The following PCDH20 variants were observed in gnomAD, a reference collection of about 807,000 sequenced individuals.
The protein encoded by PCDH20 is protocadherin-20.
Under a neutral mutation model 39.7 loss-of-function variants are expected in PCDH20, and 18 were observed. The observed-to-expected ratio is 0.45, with a 90% CI of 0.31 to 0.67. The LOEUF is 0.67. PCDH20 is among the 30% of genes least tolerant of loss of function. PCDH20 has a pLI of 0.05. For missense variants in PCDH20, 1,161 were observed against 1,167.4 expected, an observed-to-expected ratio of 0.99 and a Z score of 0.08; for synonymous variants, 495 against 455.4, an observed-to-expected ratio of 1.09 and a Z score of -1.11.
At chr13:61,413,322 G>T in exon 2 of PCDH20, 1 of 1,613,950 alleles carries the variant, frequency 6.2e-7, no homozygotes, top group African/African-American at 1.3e-5. Context: ...TCTCCTCCAC[G>T]TCCAGGGTGA....
chr13:61,411,664 T>C (rs1878249239), exon 2 of PCDH20: 1 of 1,614,212 alleles, frequency 6.2e-7, no homozygotes, highest in Middle Eastern at 1.6e-4. Flanking sequence ...ATAATCTGTC[T>C]GCAGCAATGC....
intron 1 of PCDH20, among the ~76,000 whole-genome samples, chr13:61,414,445 C>T (rs1331575983): frequency 6.6e-6 from 1 of 152,128 alleles, no homozygotes; most frequent in African/African-American, 2.4e-5. Flanking sequence ...CAGTGTGTTA[C>T]ATCCCTTACT....
At chr13:61,413,829 C>A in exon 2 of PCDH20, 7 of 1,612,968 alleles carry the variant, frequency 4.3e-6, no homozygotes, top group Non-Finnish European at 5.9e-6. Context: ...TGGGCAGCAG[C>A]CGCAGGTCCT....
chr13:61,412,539 G>A, exon 2 of PCDH20: 3 of 1,614,068 alleles, frequency 1.9e-6, no homozygotes, highest in Non-Finnish European at 2.5e-6. Context: ...GCACTTTAAT[G>A]ACCCTTTTGA....
chr13:61,413,268 A>G, exon 2 of PCDH20: 2 of 1,614,106 alleles, frequency 1.2e-6, no homozygotes, highest in Non-Finnish European at 1.7e-6. Flanking sequence ...CCCTGTCCAA[A>G]GCACCCATGA....
At chr13:61,412,208 C>T in exon 2 of PCDH20, 1 of 1,614,116 alleles carries the variant, frequency 6.2e-7, no homozygotes, top group Non-Finnish European at 8.5e-7. Context: ...TCATTTTTAT[C>T]CAACACTGTG....
chr13:61,414,538 A>G (rs1394872472), intron 1 of PCDH20, among the ~76,000 whole-genome samples: 1 of 152,142 alleles, frequency 6.6e-6, no homozygotes, highest in African/African-American at 2.4e-5. Context: ...CACCTCCAAC[A>G]CTTTAGGTCT....
chr13:61,415,150 G>GCCGC lies in PCDH20; in HGVS notation c.5_8dup (p.Gly5ProfsTer109). The GCCGC allele has an allele frequency of 6.9e-7, 1 of 1,452,010 alleles. No individual in the cohort carries two copies. Among genetic ancestry groups the GCCGC allele is most frequent in the Non-Finnish European group, 9.2e-7 (1 of 1,090,888 alleles). The allele number at this position is 1,452,010 out of a possible 1,614,324, so 89.9% of individuals were successfully genotyped here. ...CCTGTGAGCTGCGCGCATTCCCTCG[G>GCCGC]CCGCGCATTCCCTGGGAGGCTGCAG... On this transcript the variant is annotated frameshift_variant, in exon 1 of 2. Transcript: ENST00000409204. LOFTEE classifies it high-confidence loss of function.
chr13:61,413,837 C>T (rs2138020683), exon 2 of PCDH20: 1 of 1,612,802 alleles, frequency 6.2e-7, no homozygotes, highest in Non-Finnish European at 8.5e-7. Context: ...AGCCGCAGGT[C>T]CTCGGCCAGG....
At position 61,415,338 on chromosome 13, in the gene PCDH20, GC is replaced by G; in HGVS notation, c.-181del. ...CAGAAGGGCACATTCATGGTTTCCT[GC>G]CCCGGACGCAGGTAACTCCATACTC... On this transcript the variant is annotated 5_prime_UTR_variant, in exon 1 of 2. The change abolishes the stop of an existing upstream ORF in the 5' untranslated region. Coordinates refer to ENST00000409204, the Ensembl canonical transcript of PCDH20. 1 of 680,140 alleles carries G rather than the reference GC, an allele frequency of 1.5e-6. No homozygotes were observed. Among genetic ancestry groups the G allele is most frequent in the Non-Finnish European group, 2.1e-6 (1 of 477,330 alleles). The allele number at this position is 680,140 out of a possible 1,614,324, so 42.1% of individuals were successfully genotyped here.
At chr13:61,412,299 T>C (rs766161151) in exon 2 of PCDH20, 41 of 1,613,964 alleles carry the variant, frequency 2.5e-5, no homozygotes, top group Non-Finnish European at 3.1e-5. Context: ...TTTCTTTCTC[T>C]TCTCGGTCCA....
At position 61,412,946 on chromosome 13, in the gene PCDH20, TA is replaced by T; in HGVS notation, c.1152del (p.Ser384ArgfsTer26). 6.2e-7 allele frequency: 1 copy of T among 1,614,174 alleles called. No individual in the cohort carries two copies. The highest frequency in any genetic ancestry group is 8.5e-7 in the Non-Finnish European group (1 of 1,180,032). ...GACTCCAGAACACTTCCTCCAATCT[TA>T]CTGAAAAGTTTAATGACTCCAGTGT... On this transcript the variant is annotated frameshift_variant, in exon 2 of 2. Coordinates refer to ENST00000409204, the Ensembl canonical transcript of PCDH20. LOFTEE classifies it high-confidence loss of function.
exon 2 of PCDH20, chr13:61,413,422 G>A (rs765837626): frequency 6.2e-7 from 1 of 1,613,936 alleles, no homozygotes; most frequent in African/African-American, 1.3e-5. Flanking sequence ...GGCCAGTCGG[G>A]TGTTTACAGG....
exon 2 of PCDH20, chr13:61,413,271 A>T (rs1472186866): frequency 6.2e-7 from 1 of 1,613,968 alleles, no homozygotes; most frequent in Non-Finnish European, 8.5e-7. Flanking sequence ...TGTCCAAAGC[A>T]CCCATGACAA....
chr13:61,414,035 C>A (rs917436318), intron 1 of PCDH20, 69 bp from the exon 2 acceptor site: 30 of 1,363,084 alleles, frequency 2.2e-5, no homozygotes, highest in East Asian at 1.8e-4. Context: ...GAGAAACTAG[C>A]GCCCCTGTGA....
chr13:61,413,357 G>A (rs1871454199), exon 2 of PCDH20: 3 of 1,614,042 alleles, frequency 1.9e-6, no homozygotes, highest in East Asian at 2.2e-5. Context: ...TCCAGTAAGC[G>A]ATAGGTCTGT....
At chr13:61,413,195 C>T (rs777483442) in exon 2 of PCDH20, 4 of 1,613,866 alleles carry the variant, frequency 2.5e-6, no homozygotes, top group Admixed American at 1.7e-5. Context: ...GTGGCACTGC[C>T]CAAAAGTGGT....
chr13:61,413,204 G>C (rs1270054472), exon 2 of PCDH20: 1 of 1,613,996 alleles, frequency 6.2e-7, no homozygotes, highest in Non-Finnish European at 8.5e-7. Context: ...CCCAAAAGTG[G>C]TGGAGACCCA....
chr13:61,414,728 G>C (rs1219907603), intron 1 of PCDH20, among the ~76,000 whole-genome samples: 1 of 152,120 alleles, frequency 6.6e-6, no homozygotes, highest in Non-Finnish European at 1.5e-5. Context: ...ATAGCCAGAC[G>C]CCAGCAGCAG....
Sources: gnomAD v4.1 joint callset for allele counts (sites outside exome capture counted in the v4.1 genomes callset) on GRCh38, gnomAD v4.1.1 for gene constraint, MANE v1.5 for transcripts, NCBI Gene and HGNC (gene_info 2026-07-23, HGNC 2026-07-21) for gene names.